The following INO80 variants were observed in gnomAD, a reference collection of about 807,000 sequenced individuals.
The protein encoded by INO80 is INO80 complex ATPase subunit.
In INO80, 20 loss-of-function variants were observed where a neutral mutation model predicts 203.4. That is an observed-to-expected ratio of 0.10 (90% confidence interval 0.07 to 0.14). INO80 has a LOEUF of 0.14. INO80 is among the 10% of genes least tolerant of loss of function. The pLI is 1.00. For synonymous variants in INO80, 726 were observed against 685.2 expected, an observed-to-expected ratio of 1.06 and a Z score of -0.93; for missense variants, 1,419 against 1,914.4, an observed-to-expected ratio of 0.74 and a Z score of 4.83.
intron 29 of INO80, among the ~76,000 whole-genome samples, chr15:40,991,210 G>C (rs12905926): frequency 6.6e-6 from 1 of 152,012 alleles, no homozygotes; most frequent in Admixed American, 6.6e-5. Context: ...CTCCAAATAT[G>C]GAAGATATTT....
At chr15:41,058,933 A>C in intron 15 of INO80, 152 bp from the exon 16 acceptor site, 2 of 711,736 alleles carry the variant, frequency 2.8e-6, no homozygotes, top group Non-Finnish European at 4.6e-6. Context: ...AGTGAAGTGA[A>C]CCATACTGTG....
chr15:41,069,689 C>A, intron 13 of INO80, 24 bp from the exon 14 acceptor site: 1 of 1,358,106 alleles, frequency 7.4e-7, no homozygotes. Context: ...ACCCAGTCAG[C>A]CAACTACAGG....
chr15:41,020,597 T>C (rs1292604928), intron 26 of INO80, among the ~76,000 whole-genome samples: 1 of 151,916 alleles, frequency 6.6e-6, no homozygotes, highest in Non-Finnish European at 1.5e-5. Flanking sequence ...AAGACAACCG[T>C]ACTCATTCAA....
chr15:41,104,520 C>G (rs1022146992), intron 1 of INO80, among the ~76,000 whole-genome samples: 1 of 152,046 alleles, frequency 6.6e-6, no homozygotes, highest in African/African-American at 2.4e-5. Context: ...TCTCTAGTTA[C>G]TGCCAGGCCC....
In INO80 at chr15:41,073,492, C is replaced by T. The variant is rs1055314378; in HGVS notation, c.1331G>A (p.Ser444Asn). 6.2e-7 allele frequency: 1 copy of T among 1,613,692 alleles called. No homozygotes were observed. The highest frequency in any genetic ancestry group is 8.5e-7 in the Non-Finnish European group (1 of 1,179,614). ...CAGGGCCTGGGCTTTAAAATGGTTA[C>T]TATCTGAAAAGCAAAATTTATGGAT... Reference protein sequence around the residue: ...VVNITQEDYDSNHFKAQALKN... With the variant: ...VVNITQEDYDNNHFKAQALKN... The change falls in exon 11 of 36, where the codon AGT becomes AAT. Residue 444 changes from serine (S) to asparagine (N), a missense_variant. Physicochemically the swap from Ser to Asn is conservative, Grantham distance 46. This residue lies in a region of INO80 where 116 missense variants were observed against 119.5 expected (regional missense o/e 0.97). Transcript: ENST00000648947.
Position 41,016,094 on chromosome 15 carries a change from T to A in INO80, c.3396A>T (p.Leu1132=), listed in dbSNP as rs776861954. ...IYSQMTRMID[L]LEEYMVYRKH... is the part of the protein sequence containing the mutation. Reference sequence around the variant, plus strand: ...CCAAGATTCCCTCTCCTACCTCCAGTAGGTCTATCATCCTGGTCATCTGGG... The same window carrying A: ...CCAAGATTCCCTCTCCTACCTCCAGAAGGTCTATCATCCTGGTCATCTGGG... Residue 1132 remains leucine, a synonymous_variant, in exon 27 of 36, where the codon CTA becomes CTT. Coordinates refer to ENST00000648947, the MANE Select transcript of INO80 (RefSeq NM_017553.3). 2 of 1,612,400 alleles carry A rather than the reference T, an allele frequency of 1.2e-6. No homozygotes were observed. The highest frequency in any genetic ancestry group is 2.7e-5 in the African/African-American group (2 of 74,892).
chr15:41,016,271 C>G, intron 26 of INO80, 56 bp from the exon 27 acceptor site: 1 of 1,565,242 alleles, frequency 6.4e-7, no homozygotes, highest in Non-Finnish European at 8.7e-7. Flanking sequence ...GCGACAAAAT[C>G]ACTCAATGCA....
At chr15:41,080,745 G>C (rs964433568) in intron 8 of INO80, among the ~76,000 whole-genome samples, 1 of 152,096 alleles carries the variant, frequency 6.6e-6, no homozygotes, top group Non-Finnish European at 1.5e-5. Context: ...CCAGCTACTC[G>C]GGAGGCTGAG....
chr15:40,982,905 G>A lies in INO80; in HGVS notation c.4410C>T (p.Ala1470=), dbSNP rs757303051. ...MAGAKAGAAA[A]SAAAYAAYGY... ...CGTATGCGGCATAGGCAGCTGCAGAGGCCGCTGCAGCCCCGGCTTTGGCTC... is the reference window on the plus strand; with the variant it reads ...CGTATGCGGCATAGGCAGCTGCAGAAGCCGCTGCAGCCCCGGCTTTGGCTC... The change falls in exon 35 of 36, where the codon GCC becomes GCT. Residue 1470 remains alanine (A), a synonymous_variant. Coordinates refer to ENST00000648947, the MANE Select transcript of INO80 (RefSeq NM_017553.3). 1 of 1,613,884 alleles carries A rather than the reference G, an allele frequency of 6.2e-7. No homozygotes were observed. Among genetic ancestry groups the A allele is most frequent in the Non-Finnish European group, 8.5e-7 (1 of 1,180,022 alleles).
At chr15:41,106,291 T>G (rs911363044) in intron 1 of INO80, among the ~76,000 whole-genome samples, 1 of 147,188 alleles carries the variant, frequency 6.8e-6, no homozygotes, top group African/African-American at 2.5e-5. Flanking sequence ...GGCTGGGGTG[T>G]GAGGATGGCT....
chr15:41,106,832 C>A (rs1056272048), intron 1 of INO80, among the ~76,000 whole-genome samples: 3 of 152,166 alleles, frequency 2.0e-5, no homozygotes, highest in African/African-American at 7.2e-5. Flanking sequence ...AAAGATTATT[C>A]TAGCCTCCTG....
intron 24 of INO80, among the ~76,000 whole-genome samples, chr15:41,040,790 A>C (rs890328998): frequency 5.3e-5 from 8 of 152,118 alleles, no homozygotes; most frequent in Non-Finnish European, 1.5e-5. Context: ...CAAAAAAAAA[A>C]GGGTGGGCAG....
chr15:41,046,257 T>TATATATA (rs2044765585), intron 23 of INO80, among the ~76,000 whole-genome samples: 1 of 116,224 alleles, frequency 8.6e-6, no homozygotes, highest in African/African-American at 3.8e-5. Context: ...ATATATATAT[T>TATATATA]CTTGTTCTGT....
intron 25 of INO80, among the ~76,000 whole-genome samples, chr15:41,024,799 C>A (rs569597141): frequency 6.6e-6 from 1 of 152,292 alleles, no homozygotes; most frequent in South Asian, 2.1e-4. Flanking sequence ...TTGCCTAATT[C>A]AAGGCCAGGG....
At chr15:41,074,972 G>C (rs1046077303) in intron 9 of INO80, among the ~76,000 whole-genome samples, 1 of 151,986 alleles carries the variant, frequency 6.6e-6, no homozygotes, top group Non-Finnish European at 1.5e-5. Context: ...CTCGAACTGA[G>C]GTGATCCACT....
chr15:41,064,295 C>A (rs2045170326), intron 14 of INO80, among the ~76,000 whole-genome samples: 2 of 152,180 alleles, frequency 1.3e-5, no homozygotes, highest in African/African-American at 2.4e-5. Flanking sequence ...TAAAAAGTTT[C>A]TTTTACCAAT....
intron 13 of INO80, 136 bp from the exon 14 acceptor site, chr15:41,069,801 A>C: frequency 1.7e-6 from 1 of 602,614 alleles, no homozygotes; most frequent in South Asian, 2.1e-5. Flanking sequence ...CCAAATCTGC[A>C]CATTCAATAG....
chr15:41,114,403 T>G (rs572721149), intron 1 of INO80, among the ~76,000 whole-genome samples: 1 of 152,212 alleles, frequency 6.6e-6, no homozygotes, highest in African/African-American at 2.4e-5. Flanking sequence ...GAACAGAATA[T>G]TATTTGGCAT....
At chr15:41,081,385 T>C (rs1304706383) in intron 7 of INO80, among the ~76,000 whole-genome samples, 1 of 152,182 alleles carries the variant, frequency 6.6e-6, no homozygotes, top group Non-Finnish European at 1.5e-5. Flanking sequence ...ACCTTAGCAC[T>C]ATCCTGATTA....
Sources: allele counts gnomAD v4.1 joint callset (sites outside exome capture counted in the v4.1 genomes callset), GRCh38; gene constraint gnomAD v4.1.1; regional missense constraint gnomAD v4.1.1; transcripts MANE v1.5; gene names NCBI Gene and HGNC (gene_info 2026-07-23, HGNC 2026-07-21).